The following NSL1 variants were observed in gnomAD, a reference collection of about 807,000 sequenced individuals.
NSL1 encodes the protein kinetochore-associated protein NSL1 homolog.
NSL1 carries 11 observed loss-of-function variants against 25.4 expected under a neutral mutation model. The ratio of observed to expected loss-of-function variants is 0.43; its 90% confidence interval spans 0.27 to 0.72. The LOEUF is 0.72. NSL1 is among the 30% of genes least tolerant of loss of function. The pLI, the probability that NSL1 is intolerant of heterozygous loss-of-function variation, is 0.19. For synonymous variants in NSL1, 118 were observed against 120.6 expected, an observed-to-expected ratio of 0.98 and a Z score of 0.14; for missense variants, 330 against 342.7, an observed-to-expected ratio of 0.96 and a Z score of 0.29.
chr1:212,732,275 A>G lies in NSL1; in HGVS notation c.*6133T>C. 2.1e-6 allele frequency: 2 copies of G among 961,708 alleles called. No individual in the cohort carries two copies. The highest frequency in any genetic ancestry group is 2.5e-6 in the Non-Finnish European group (2 of 813,544). The allele number at this position is 961,708 out of a possible 1,614,324, so 59.6% of individuals were successfully genotyped here. ...CATTATCACTCGTGTTGTCACTTTT[A>G]TTTTTTTCTGAAAATATCTCTTTTG... On this transcript the variant is annotated 3_prime_UTR_variant, in exon 6 of 6. Transcript: ENST00000366977.
chr1:212,772,993 T>C (rs1660195525), intron 4 of NSL1, among the ~76,000 whole-genome samples: 1 of 152,200 alleles, frequency 6.6e-6, no homozygotes, highest in East Asian at 1.9e-4. Context: ...GATATCCATA[T>C]GCACAAGAAT....
chr1:212,739,109 C>T (rs940081918), intron 5 of NSL1, among the ~76,000 whole-genome samples: 1 of 152,094 alleles, frequency 6.6e-6, no homozygotes, highest in African/African-American at 2.4e-5. Flanking sequence ...ATGTGCGCAA[C>T]CTGCTTAGCC....
Position 212,731,365 on chromosome 1 carries a change from G to A in NSL1, c.*7043C>T. 1 of 981,266 alleles carries A rather than the reference G, an allele frequency of 1.0e-6. No homozygotes were observed. Among genetic ancestry groups the A allele is most frequent in the Non-Finnish European group, 1.2e-6 (1 of 826,258 alleles). 60.8% of individuals were successfully genotyped at this position (981,266 alleles called of 1,614,324 possible). On this transcript the variant is annotated 3_prime_UTR_variant, in exon 6 of 6. Transcript: ENST00000366977. ...GAGCCCAGGAATTCAAGACCAGCCG[G>A]GGCAATATGGCGAGACCCCATCTCT...
At chr1:212,780,501 A>T (rs993540269) in intron 4 of NSL1, among the ~76,000 whole-genome samples, 37 of 82,420 alleles carry the variant, frequency 4.5e-4, no homozygotes, top group East Asian at 3.8e-3. Context: ...AATGATCAAT[A>T]AAAAAAAAAA....
Position 212,727,096 on chromosome 1 carries a change from T to A in NSL1, c.*11312A>T. 1 of 1,552,182 alleles carries A rather than the reference T, an allele frequency of 6.4e-7. No homozygotes were observed. Among genetic ancestry groups the A allele is most frequent in the Non-Finnish European group, 8.7e-7 (1 of 1,148,688 alleles). On this transcript the variant is annotated 3_prime_UTR_variant, in exon 6 of 6. Coordinates refer to ENST00000366977, the MANE Select transcript of NSL1 (RefSeq NM_015471.4). The stretch of plus-strand genomic sequence containing the variant: ...AGCTTCATCCTCTTCATCTTGCCAG[T>A]TCACCAGAGGCAGAAGGGATGAAGG...
chr1:212,765,024 G>C (rs945767779), intron 4 of NSL1, among the ~76,000 whole-genome samples: 6 of 151,772 alleles, frequency 4.0e-5, no homozygotes, highest in Non-Finnish European at 8.8e-5. Flanking sequence ...AACCCTTCTA[G>C]ATTAAATCAG....
In NSL1 at chr1:212,736,248, G is replaced by C. The variant is rs1475819574; in HGVS notation, c.*2160C>G. On this transcript the variant is annotated 3_prime_UTR_variant, in exon 6 of 6. Transcript: ENST00000366977. The stretch of plus-strand genomic sequence containing the variant: ...AAATGGAGTTTCACTATGTTGCCCA[G>C]GCTGGGCTCAAGTAATCTGTCCACT... 2.6e-6 allele frequency: 2 copies of C among 761,346 alleles called. No individual in the cohort carries two copies. Among genetic ancestry groups the C allele is most frequent in the South Asian group, 1.2e-4 (2 of 16,718 alleles). 47.2% of individuals were successfully genotyped at this position (761,346 alleles called of 1,614,324 possible). A position where few individuals can be genotyped will look rare whatever the true frequency, so the allele number is the denominator to read the frequency against.
At chr1:212,781,031 A>C (rs1371411971) in intron 4 of NSL1, among the ~76,000 whole-genome samples, 2 of 152,150 alleles carry the variant, frequency 1.3e-5, no homozygotes, top group Non-Finnish European at 2.9e-5. Flanking sequence ...AAAGCTAATA[A>C]CTGTAGGCTA....
At position 212,728,214 on chromosome 1, in the gene NSL1, T is replaced by G; in HGVS notation, c.*10194A>C. The G allele has an allele frequency of 2.1e-6, 2 of 933,640 alleles. No individual in the cohort carries two copies. The highest frequency in any genetic ancestry group is 2.6e-6 in the Non-Finnish European group (2 of 782,880). 57.8% of individuals were successfully genotyped at this position (933,640 alleles called of 1,614,324 possible). On this transcript the variant is annotated 3_prime_UTR_variant, in exon 6 of 6. Transcript: ENST00000366977. ...CATGTAGTAAGCACTCAATACATGG[T>G]AACTACTAGCATTATATTGATATTA... is the stretch of plus-strand genomic sequence containing the variant.
chr1:212,760,667 G>A lies in NSL1; in HGVS notation c.500-21066C>T, dbSNP rs956056644. 1.3e-5 allele frequency among the ~76,000 whole-genome samples: 2 copies of A among 151,996 alleles called. No homozygotes were observed. The highest frequency in any genetic ancestry group is 2.9e-5 in the Non-Finnish European group (2 of 68,006). On this transcript the variant is annotated intron_variant, in intron 4 of 5. Transcript: ENST00000366977. This position sits in a 1 kb window ranked among gnomAD's most constrained non-coding sequence, Gnocchi z 4.3. ...TGCCTGGGGGCCTGACGGTTGACCC[G>A]CCACTGCTACTGCCATCACCAACAC...
At position 212,729,945 on chromosome 1, in the gene NSL1, A is replaced by ATTTT. The variant is rs113434922; in HGVS notation, c.*8459_*8462dup. 33 of 834,578 alleles carry ATTTT rather than the reference A, an allele frequency of 4.0e-5. No homozygotes were observed. The highest frequency in any genetic ancestry group is 2.5e-4 in the East Asian group (2 of 8,060). The allele number at this position is 834,578 out of a possible 1,614,324, so 51.7% of individuals were successfully genotyped here. Reference sequence around the variant, plus strand: ...GTGGAGGAACTAAACCTCCGGAAGGATTTTTTTTTTTAAGAATGAAATGGG... The same window carrying ATTTT: ...GTGGAGGAACTAAACCTCCGGAAGGATTTTTTTTTTTTTTTAAGAATGAAATGGG... On this transcript the variant is annotated 3_prime_UTR_variant, in exon 6 of 6. Transcript: ENST00000366977.
intron 4 of NSL1, among the ~76,000 whole-genome samples, chr1:212,748,442 T>C (rs147881209): frequency 5.3e-5 from 8 of 152,312 alleles, no homozygotes; most frequent in African/African-American, 1.9e-4. Context: ...GCTTTATTCA[T>C]ATAGCCAAAA....
chr1:212,784,982 T>C (rs1392424032), intron 2 of NSL1, among the ~76,000 whole-genome samples: 3 of 152,218 alleles, frequency 2.0e-5, no homozygotes, highest in African/African-American at 4.8e-5. Context: ...GTGGAAACAG[T>C]ATTTGCAAGA....
intron 4 of NSL1, among the ~76,000 whole-genome samples, chr1:212,775,923 G>C (rs1476529442): frequency 6.6e-6 from 1 of 151,924 alleles, no homozygotes; most frequent in East Asian, 1.9e-4. Flanking sequence ...CGCCTCCCAG[G>C]TTCACGCCAT....
Position 212,738,258 on chromosome 1 carries a change from C to G in NSL1, c.*150G>C, listed in dbSNP as rs1412702739. The G allele has an allele frequency of 6.4e-6, 9 of 1,410,146 alleles. No individual in the cohort carries two copies. In the South Asian group the frequency reaches 1.1e-4, roughly 18 times the overall value. 87.4% of individuals were successfully genotyped at this position (1,410,146 alleles called of 1,614,324 possible). A position where few individuals can be genotyped will look rare whatever the true frequency, so the allele number is the denominator to read the frequency against. ...AAGGAAATACAATATTATATCATAT[C>G]CCCGCACAGAGATACTATATCTGTA... On this transcript the variant is annotated 3_prime_UTR_variant, in exon 6 of 6. Coordinates refer to ENST00000366977, the MANE Select transcript of NSL1 (RefSeq NM_015471.4).
intron 4 of NSL1, among the ~76,000 whole-genome samples, chr1:212,745,180 A>AC (rs1193847791): frequency 7.1e-4 from 15 of 21,058 alleles, no homozygotes; most frequent in South Asian, 5.0e-3. Context: ...ATATATATAT[A>AC]TATATATATA....
intron 1 of NSL1, among the ~76,000 whole-genome samples, chr1:212,788,827 G>T (rs1441859734): frequency 6.6e-6 from 1 of 152,122 alleles, no homozygotes; most frequent in African/African-American, 2.4e-5. Flanking sequence ...CAAGCTCTAC[G>T]TAACACTAAC....
intron 4 of NSL1, 44 bp downstream of exon 4, chr1:212,782,328 A>T (rs780416004): frequency 7.3e-7 from 1 of 1,374,442 alleles, no homozygotes; most frequent in Non-Finnish European, 1.0e-6. Flanking sequence ...CATAAAAATT[A>T]TAAGCAGATG....
Position 212,733,336 on chromosome 1 carries a change from G to A in NSL1, c.*5072C>T, listed in dbSNP as rs1046129900. ...AGTCCCACCTACTTGGGAGGCTAAG[G>A]TGGGAGGATGGCTTGAGTTGCGGGG... On this transcript the variant is annotated 3_prime_UTR_variant, in exon 6 of 6. Coordinates refer to ENST00000366977, the MANE Select transcript of NSL1 (RefSeq NM_015471.4). Among the ~76,000 whole-genome samples, 4 of 151,852 alleles carry A rather than the reference G, an allele frequency of 2.6e-5. No homozygotes were observed. Among genetic ancestry groups the A allele is most frequent in the African/African-American group, 9.7e-5 (4 of 41,336 alleles).
Sources: allele counts gnomAD v4.1 joint callset (sites outside exome capture counted in the v4.1 genomes callset), GRCh38; gene constraint gnomAD v4.1.1; non-coding constraint Gnocchi (gnomAD v3.1); transcripts MANE v1.5; gene names NCBI Gene and HGNC (gene_info 2026-07-23, HGNC 2026-07-21).